The following NINL variants were observed in gnomAD, a reference collection of about 807,000 sequenced individuals.
NINL encodes the protein ninein like.
In NINL, 153 loss-of-function variants were observed where a neutral mutation model predicts 160.3. That is an observed-to-expected ratio of 0.95 (90% CI 0.84 to 1.09). NINL has a LOEUF of 1.09. NINL is among the 50% of genes least tolerant of loss of function. The pLI is 0.00. For synonymous variants in NINL, 800 were observed against 734.8 expected, an observed-to-expected ratio of 1.09 and a Z score of -1.43; for missense variants, 1,829 against 1,764.0, an observed-to-expected ratio of 1.04 and a Z score of -0.66.
intron 23 of NINL, among the ~76,000 whole-genome samples, chr20:25,454,555 T>C (rs539602968): frequency 3.6e-4 from 55 of 152,284 alleles, no homozygotes; most frequent in African/African-American, 1.3e-3. Context: ...CTTCCACAAA[T>C]GCCTTGTCTA....
intron 2 of NINL, among the ~76,000 whole-genome samples, chr20:25,525,686 T>A (rs1422207339): frequency 6.6e-6 from 1 of 152,106 alleles, no homozygotes; most frequent in Admixed American, 6.6e-5. Context: ...CTGAGTCTTG[T>A]GGAAAAAATA....
In NINL at chr20:25,468,581, GT is replaced by G. The variant is rs1320033105; in HGVS notation, c.3354-1124del. 6.2e-5 allele frequency among the ~76,000 whole-genome samples: 5 copies of G among 80,164 alleles called. No homozygotes were observed. The East Asian group carries it at 2.0e-3, about 32-fold the overall frequency. The allele number at this position is 80,164 out of a possible 152,430, so 52.6% of individuals were successfully genotyped here. ...TGCGCACCCCCCTGCCCTGTCCCCT[GT>G]CACTGGTCTGTGCCCCTCTGTCCTG... is the stretch of plus-strand genomic sequence containing the variant. On this transcript the variant is annotated intron_variant, in intron 18 of 23. Coordinates refer to ENST00000278886, the MANE Select transcript of NINL (RefSeq NM_025176.6).
chr20:25,503,829 G>T, intron 7 of NINL, 123 bp downstream of exon 7: 1 of 1,164,560 alleles, frequency 8.6e-7, no homozygotes, highest in Non-Finnish European at 1.3e-6. Flanking sequence ...TGTGTGCATG[G>T]CCTGTCCAGT....
chr20:25,526,636 C>G (rs780220479), intron 1 of NINL, 38 bp from the exon 2 acceptor site: 5 of 1,576,182 alleles, frequency 3.2e-6, no homozygotes, highest in Non-Finnish European at 3.5e-6. Context: ...CATCAGGACA[C>G]TTTCCCACCT....
At chr20:25,544,107 C>T (rs11699872) in intron 1 of NINL, among the ~76,000 whole-genome samples, 19,554 of 139,968 alleles carry the variant, frequency 0.14, 2,440 homozygotes, top group East Asian at 0.59. Context: ...GTAAGAGAAA[C>T]CTTGTCCAGC....
rs764424961 is a variant in NINL, at chr20:25,455,681, T to G, written c.3949A>C (p.Lys1317Gln). The G allele has an allele frequency of 2.5e-6, 4 of 1,612,724 alleles. No homozygotes were observed. The South Asian group carries it at 4.4e-5, about 18-fold the overall frequency. Residue 1317 changes from lysine (K) to glutamine (Q), a missense_variant, in exon 23 of 24, where the codon AAG becomes CAG. Coordinates refer to ENST00000278886, the MANE Select transcript of NINL (RefSeq NM_025176.6). ...MLLQEKVDKL[K>Q]EQFEKNTKSD... ...CAGCGCCCATCACTCACCTGCTCCT[T>G]CAGCTTATCCACTTTCTCTTGGAGG...
chr20:25,511,801 A>T (rs1403575018), intron 4 of NINL, among the ~76,000 whole-genome samples: 1 of 152,208 alleles, frequency 6.6e-6, no homozygotes, highest in African/African-American at 2.4e-5. Context: ...AAAAGACTCT[A>T]AGATTTAAAT....
chr20:25,532,288 G>C (rs1280562005), intron 1 of NINL, among the ~76,000 whole-genome samples: 2 of 152,180 alleles, frequency 1.3e-5, no homozygotes, highest in Non-Finnish European at 2.9e-5. Context: ...TCACGTTTTC[G>C]AGGCTGGGCT....
rs556612092 is a variant in NINL, at chr20:25,575,974, C to T, written c.-12+9481G>A. 2.7e-4 allele frequency among the ~76,000 whole-genome samples: 41 copies of T among 152,252 alleles called. No homozygotes were observed. The South Asian group carries it at 3.5e-3, about 13-fold the overall frequency. ...GGTATCAGACTTTGTGCCCCTGTATCCCTAAATAGTTCAAAATGTATTCAC... is the reference window on the plus strand; with the variant it reads ...GGTATCAGACTTTGTGCCCCTGTATTCCTAAATAGTTCAAAATGTATTCAC... On this transcript the variant is annotated intron_variant, in intron 1 of 23. Transcript: ENST00000278886.
At chr20:25,499,945 C>CA (rs11476280) in intron 8 of NINL, among the ~76,000 whole-genome samples, 3,014 of 61,098 alleles carry the variant, frequency 0.049, 172 homozygotes, top group Non-Finnish European at 0.065. Context: ...ACCAATTTCG[C>CA]AAAAAAAAAA....
At chr20:25,580,060 T>C (rs1888038) in intron 1 of NINL, among the ~76,000 whole-genome samples, 147,727 of 152,268 alleles carry the variant, frequency 0.97, 71,816 homozygotes, top group Non-Finnish European at 1. Context: ...GGGCTGGGCA[T>C]GGTGGCTCAA....
chr20:25,577,410 G>A (rs1344077428), intron 1 of NINL, among the ~76,000 whole-genome samples: 2 of 152,154 alleles, frequency 1.3e-5, no homozygotes, highest in African/African-American at 2.4e-5. Context: ...CCACGTGGCC[G>A]GACAGTCCAG....
intron 22 of NINL, 37 bp downstream of exon 22, chr20:25,458,346 C>T: frequency 6.2e-7 from 1 of 1,602,370 alleles, no homozygotes; most frequent in Non-Finnish European, 8.5e-7. Flanking sequence ...CCCTCCTCCT[C>T]ATCTCGTCAG....
At chr20:25,486,326 A>G (rs2063503629) in intron 13 of NINL, among the ~76,000 whole-genome samples, 1 of 152,244 alleles carries the variant, frequency 6.6e-6, no homozygotes, top group Non-Finnish European at 1.5e-5. Flanking sequence ...CTGTTTCAAA[A>G]AATAAAATTG....
At chr20:25,507,312 T>C (rs2063980408) in intron 5 of NINL, among the ~76,000 whole-genome samples, 1 of 152,016 alleles carries the variant, frequency 6.6e-6, no homozygotes, top group Admixed American at 6.6e-5. Flanking sequence ...GGCACTGGTG[T>C]CTTTAGGACT....
chr20:25,473,910 A>C (rs1357363637), intron 17 of NINL, among the ~76,000 whole-genome samples: 1 of 152,196 alleles, frequency 6.6e-6, no homozygotes, highest in Non-Finnish European at 1.5e-5. Flanking sequence ...AAAAAGAAAG[A>C]AATGCACACA....
chr20:25,557,226 T>C (rs2064876992), intron 1 of NINL, among the ~76,000 whole-genome samples: 1 of 152,190 alleles, frequency 6.6e-6, no homozygotes, highest in African/African-American at 2.4e-5. Context: ...ACCATATTAA[T>C]AGACTTCAAG....
intron 17 of NINL, among the ~76,000 whole-genome samples, chr20:25,471,566 G>A (rs1439212297): frequency 1.3e-5 from 2 of 152,136 alleles, no homozygotes; most frequent in Non-Finnish European, 2.9e-5. Context: ...CTCTGTGACT[G>A]TCCTCATGGA....
chr20:25,554,636 C>CAAAACAAAACAAAAAA (rs1195606239), intron 1 of NINL, among the ~76,000 whole-genome samples: 11 of 85,794 alleles, frequency 1.3e-4, no homozygotes, highest in African/African-American at 5.8e-4. Flanking sequence ...AAAAAAAAAA[C>CAAAACAAAACAAAAAA]AAAAAAAAAA....
Sources: allele counts gnomAD v4.1 joint callset (sites outside exome capture counted in the v4.1 genomes callset), GRCh38; gene constraint gnomAD v4.1.1; transcripts MANE v1.5; gene names NCBI Gene and HGNC (gene_info 2026-07-23, HGNC 2026-07-21).